The following CFAP70 variants were observed in gnomAD, a reference collection of about 807,000 sequenced individuals.
CFAP70 encodes cilia and flagella associated protein 70.
In CFAP70, 81 loss-of-function variants were observed where a neutral mutation model predicts 137.6. The observed-to-expected ratio is 0.59, with a 90% CI of 0.49 to 0.71. The LOEUF is 0.71. Among genes scored for constraint, CFAP70 ranks in the 30% least tolerant of loss-of-function variants. CFAP70 has a pLI of 0.00. For synonymous variants in CFAP70, 382 were observed against 423.6 expected, an observed-to-expected ratio of 0.90 and a Z score of 1.20; for missense variants, 976 against 1,226.7, an observed-to-expected ratio of 0.80 and a Z score of 3.05.
chr10:73,330,974 T>C (rs1419246375), intron 8 of CFAP70, among the ~76,000 whole-genome samples: 1 of 152,160 alleles, frequency 6.6e-6, no homozygotes, highest in Non-Finnish European at 1.5e-5. Flanking sequence ...AATCCTGGTT[T>C]TTCCCACGAC....
chr10:73,256,411 T>C (rs770295633), exon 26 of CFAP70: 10 of 1,613,868 alleles, frequency 6.2e-6, no homozygotes. Flanking sequence ...CTAATTGCCG[T>C]CCAACCTGAA....
At chr10:73,290,044 C>CAAAAAAAAAAAAAAAAAAAAAAAA (rs397847750) in intron 19 of CFAP70, among the ~76,000 whole-genome samples, 3 of 72,232 alleles carry the variant, frequency 4.2e-5, no homozygotes, top group East Asian at 4.9e-4. Context: ...GACTCCATCT[C>CAAAAAAAAAAAAAAAAAAAAAAAA]AAAAAAAAAA....
chr10:73,342,192 T>G (rs2053309344), intron 5 of CFAP70, among the ~76,000 whole-genome samples: 1 of 152,118 alleles, frequency 6.6e-6, no homozygotes, highest in Non-Finnish European at 1.5e-5. Flanking sequence ...CATCCAACAT[T>G]TAAACAAAAA....
intron 10 of CFAP70, among the ~76,000 whole-genome samples, chr10:73,312,197 G>T (rs920172803): frequency 6.6e-6 from 1 of 152,056 alleles, no homozygotes; most frequent in Admixed American, 6.6e-5. Context: ...GGGCCTGTCG[G>T]GGGTAAGGGC....
At chr10:73,291,376 G>A (rs777836511) in exon 19 of CFAP70, 13 of 1,614,154 alleles carry the variant, frequency 8.1e-6, no homozygotes, top group Non-Finnish European at 9.3e-6. Flanking sequence ...CGTGCCTGAA[G>A]CTGTTTGGAG....
At chr10:73,312,705 C>T (rs2050014500) in intron 9 of CFAP70, 62 bp from the exon 11 acceptor site, 4 of 1,383,500 alleles carry the variant, frequency 2.9e-6, no homozygotes, top group Non-Finnish European at 3.8e-6. Context: ...AAGAAATACA[C>T]ATTATTTTTT....
chr10:73,354,960 C>T, intron 1 of CFAP70, 125 bp from the exon 2 acceptor site: 2 of 613,512 alleles, frequency 3.3e-6, no homozygotes, highest in Non-Finnish European at 2.9e-6. Context: ...TTTTATTCCC[C>T]ATATCCAACC....
At chr10:73,342,451 G>A (rs1377968064) in intron 5 of CFAP70, among the ~76,000 whole-genome samples, 1 of 152,104 alleles carries the variant, frequency 6.6e-6, no homozygotes, top group Non-Finnish European at 1.5e-5. Flanking sequence ...GCTGAGGTGA[G>A]AGGATTGCTT....
chr10:73,341,576 G>A lies in CFAP70; in HGVS notation c.405C>T (p.Asp135=), dbSNP rs774344724. The A allele has an allele frequency of 2.5e-6, 4 of 1,613,146 alleles. No homozygotes were observed. In the East Asian group the frequency reaches 8.9e-5, roughly 36 times the overall value. ...TTCCATTCTTAAATAAAATGGGATA[G>A]TCCTTCTACAGAAATAGATACCATA... Residue 135 remains aspartate (D), a synonymous_variant, in exon 6 of 27, where the codon GAC becomes GAT. Transcript: ENST00000310715.
At chr10:73,357,994 C>A (rs1006970354) in intron 1 of CFAP70, among the ~76,000 whole-genome samples, 2 of 152,216 alleles carry the variant, frequency 1.3e-5, no homozygotes, top group Non-Finnish European at 2.9e-5. Flanking sequence ...AACTATGTGC[C>A]CCTAGGCAAA....
intron 3 of CFAP70, among the ~76,000 whole-genome samples, chr10:73,349,803 T>C (rs369152545): frequency 1.1e-4 from 16 of 152,368 alleles, no homozygotes; most frequent in African/African-American, 3.4e-4. Flanking sequence ...CTTCATCATG[T>C]GTAGCTTTGT....
chr10:73,296,993 T>G, intron 15 of CFAP70, 49 bp downstream of exon 16: 3 of 1,587,038 alleles, frequency 1.9e-6, no homozygotes, highest in Non-Finnish European at 2.6e-6. Context: ...CATAGAAGAC[T>G]CTGATGCTCT....
intron 23 of CFAP70, among the ~76,000 whole-genome samples, chr10:73,273,449 A>C (rs951101994): frequency 5.3e-5 from 8 of 152,256 alleles, no homozygotes; most frequent in African/African-American, 1.9e-4. Flanking sequence ...CTTTGTTGTA[A>C]AAGATCTTAG....
At chr10:73,351,097 A>T (rs1469224391) in intron 3 of CFAP70, among the ~76,000 whole-genome samples, 1 of 105,242 alleles carries the variant, frequency 9.5e-6, no homozygotes, top group South Asian at 3.9e-4. Flanking sequence ...ATATATATAT[A>T]TATATATATA....
At chr10:73,348,005 T>G in intron 4 of CFAP70, 151 bp downstream of exon 5, 1 of 684,536 alleles carries the variant, frequency 1.5e-6, no homozygotes, top group South Asian at 1.8e-5. Context: ...GACTCTGCCT[T>G]ATTATCTTTG....
At chr10:73,361,274 A>G (rs1375106469), upstream of CFAP70, among the ~76,000 whole-genome samples, 1 of 148,738 alleles carries the variant, frequency 6.7e-6, no homozygotes, top group Non-Finnish European at 1.5e-5. Flanking sequence ...GATTACAGGC[A>G]TGAACCACCA....
intron 25 of CFAP70, among the ~76,000 whole-genome samples, chr10:73,257,886 T>C (rs1048102666): frequency 6.7e-6 from 1 of 149,330 alleles, no homozygotes; most frequent in African/African-American, 2.5e-5. Context: ...CTTTTTTTTT[T>C]TTTTTTTTTG....
intron 20 of CFAP70, 67 bp downstream of exon 21, chr10:73,278,112 C>T (rs913417383): frequency 7.9e-6 from 12 of 1,509,552 alleles, no homozygotes; most frequent in East Asian, 4.5e-5. Flanking sequence ...ATTTCATCAT[C>T]GTAAGAGTCT....
chr10:73,304,788 T>C (rs1471523344), intron 12 of CFAP70, among the ~76,000 whole-genome samples: 1 of 151,780 alleles, frequency 6.6e-6, no homozygotes, highest in African/African-American at 2.4e-5. Context: ...AGGTAAAGTC[T>C]AGATGTCAGC....
Sources: allele counts gnomAD v4.1 joint callset (sites outside exome capture counted in the v4.1 genomes callset), GRCh38; gene constraint gnomAD v4.1.1; transcripts MANE v1.5; gene names NCBI Gene and HGNC (gene_info 2026-07-23, HGNC 2026-07-21).